Variants in ZMAT1 observed in about 807,000 individuals in gnomAD.
ZMAT1 encodes the protein zinc finger matrin-type protein 1.
Under a neutral mutation model 18.5 loss-of-function variants are expected in ZMAT1, and 11 were observed. The ratio of observed to expected loss-of-function variants is 0.59; its 90% CI spans 0.37 to 0.98. ZMAT1 has a LOEUF of 0.98. ZMAT1 is among the 50% of genes least tolerant of loss of function. ZMAT1 has a pLI of 0.01. For synonymous variants in ZMAT1, 211 were observed against 176.4 expected (o/e 1.20, Z -1.55); for missense variants, 525 against 496.2 (o/e 1.06, Z -0.55).
At chrX:101,924,148 G>A (rs1370359401) in intron 1 of ZMAT1, among the ~76,000 whole-genome samples, 1 of 111,259 alleles carries the variant, frequency 9.0e-6, no homozygotes, top group Non-Finnish European at 1.9e-5. Flanking sequence ...GTCTCACTCT[G>A]CTGCCCAGGC....
intron 4 of ZMAT1, among the ~76,000 whole-genome samples, chrX:101,891,802 G>C (rs893620812): frequency 9.0e-6 from 1 of 111,524 alleles, no homozygotes; most frequent in Non-Finnish European, 1.9e-5. Flanking sequence ...GTTACAGTGA[G>C]GTGGTAGACT....
intron 1 of ZMAT1, among the ~76,000 whole-genome samples, chrX:101,906,682 G>A (rs925937264): frequency 9.0e-6 from 1 of 111,498 alleles, no homozygotes; most frequent in Non-Finnish European, 1.9e-5. Flanking sequence ...GGCTGGCCCT[G>A]TGGCTCCAAG....
chrX:101,929,364 CCAT>C (rs1279992062), intron 1 of ZMAT1, among the ~76,000 whole-genome samples: 1 of 101,281 alleles, frequency 9.9e-6, no homozygotes, highest in Non-Finnish European at 2.0e-5. Flanking sequence ...CCTTTATCTG[CCAT>C]CATAATTGAC....
chrX:101,924,339 T>C (rs1034782853), intron 1 of ZMAT1, among the ~76,000 whole-genome samples: 11 of 111,699 alleles, frequency 9.8e-5, no homozygotes, highest in Admixed American at 4.8e-4. Flanking sequence ...CTCGAACTCT[T>C]GACCACAGGT....
At chrX:101,900,757 T>C (rs1373758148) in intron 2 of ZMAT1, among the ~76,000 whole-genome samples, 2 of 112,106 alleles carry the variant, frequency 1.8e-5, no homozygotes, top group African/African-American at 3.2e-5. Flanking sequence ...ATTTGTTCTT[T>C]TTGCTTAGTC....
In ZMAT1 at chrX:101,904,220, C is replaced by T. The variant is rs1569435456; in HGVS notation, c.399+4G>A. ...AGACCCTACTTCCATTATTTTTAAC[C>T]TACCTCATAATGTGAAATTCTTTGT... On this transcript the variant is annotated splice_donor_region_variant and intron_variant, in intron 2 of 5. Coordinates refer to ENST00000651725, the MANE Select transcript of ZMAT1 (RefSeq NM_001394560.1). 4.0e-5 allele frequency: 47 copies of T among 1,175,628 alleles called. No homozygotes were observed. The highest frequency in any genetic ancestry group is 5.1e-5 in the Non-Finnish European group (45 of 874,875).
chrX:101,903,574 A>G (rs922521377), intron 2 of ZMAT1, among the ~76,000 whole-genome samples: 2 of 111,765 alleles, frequency 1.8e-5, no homozygotes, highest in African/African-American at 6.5e-5. Flanking sequence ...AAGAAATCCA[A>G]CAGCTCATCA....
At chrX:101,924,252 C>T (rs937732010) in intron 1 of ZMAT1, among the ~76,000 whole-genome samples, 1 of 111,404 alleles carries the variant, frequency 9.0e-6, no homozygotes, top group Non-Finnish European at 1.9e-5. Context: ...GCCAGGATTA[C>T]AGGCATGTAC....
At chrX:101,896,160 G>C (rs772682933) in intron 4 of ZMAT1, among the ~76,000 whole-genome samples, 1 of 111,881 alleles carries the variant, frequency 8.9e-6, no homozygotes, top group East Asian at 2.8e-4. Flanking sequence ...ATCAATGAAA[G>C]TATGATAGCC....
At chrX:101,889,779 G>A (rs1260157285) in intron 4 of ZMAT1, 5 of 111,429 alleles carry the variant, frequency 4.5e-5, no homozygotes, top group Non-Finnish European at 9.4e-5. Flanking sequence ...ATGAACGCTG[G>A]GCTTAATACC....
intron 1 of ZMAT1, among the ~76,000 whole-genome samples, chrX:101,925,431 G>A (rs190129476): frequency 4.1e-4 from 46 of 111,988 alleles, no homozygotes; most frequent in Admixed American, 3.3e-3. Context: ...TTGTAATGGG[G>A]AGAAAAACTA....
chrX:101,890,696 G>GCA (rs1927318674), intron 4 of ZMAT1, among the ~76,000 whole-genome samples: 1 of 110,813 alleles, frequency 9.0e-6, no homozygotes, highest in Non-Finnish European at 1.9e-5. Flanking sequence ...AGGTATGCGA[G>GCA]CACAAAGAAG....
In ZMAT1 at chrX:101,926,082, T is replaced by C. The variant is rs745421603; in HGVS notation, c.292+5635A>G. On this transcript the variant is annotated intron_variant, in intron 1 of 5. Transcript: ENST00000651725. ...AGGGAGGTAAACTGTAAAACATGAT[T>C]CTAGACTCAGGTGGATTTGGTCTAT... 3.6e-5 allele frequency among the ~76,000 whole-genome samples: 4 copies of C among 112,249 alleles called. No individual in the cohort carries two copies. The South Asian group carries it at 1.5e-3, about 41-fold the overall frequency.
chrX:101,904,917 C>G (rs1366568888), intron 1 of ZMAT1, among the ~76,000 whole-genome samples: 4 of 111,762 alleles, frequency 3.6e-5, no homozygotes, highest in African/African-American at 1.3e-4. Flanking sequence ...CCAGCCTGAG[C>G]TACAGCAAGA....
At chrX:101,906,154 G>C in intron 1 of ZMAT1, among the ~76,000 whole-genome samples, 1 of 111,404 alleles carries the variant, frequency 9.0e-6, no homozygotes, top group Admixed American at 9.5e-5. Flanking sequence ...CCAGACTTCA[G>C]GACAGTACCA....
intron 1 of ZMAT1, among the ~76,000 whole-genome samples, chrX:101,906,862 G>T (rs1928655256): frequency 9.0e-6 from 1 of 110,567 alleles, no homozygotes. Context: ...GTTCCACACT[G>T]GTCTCAGCAC....
intron 1 of ZMAT1, among the ~76,000 whole-genome samples, chrX:101,927,555 G>T (rs749305930): frequency 8.9e-6 from 1 of 112,465 alleles, no homozygotes; most frequent in East Asian, 2.8e-4. Flanking sequence ...ATAATTGGGA[G>T]TACTAGTTAT....
At chrX:101,896,128 G>A (rs1445449244) in intron 4 of ZMAT1, among the ~76,000 whole-genome samples, 1 of 111,395 alleles carries the variant, frequency 9.0e-6, no homozygotes, top group Non-Finnish European at 1.9e-5. Context: ...ATTAGGCATT[G>A]CCTGATTATA....
At chrX:101,920,380 C>G (rs1929641821) in intron 1 of ZMAT1, among the ~76,000 whole-genome samples, 1 of 111,484 alleles carries the variant, frequency 9.0e-6, no homozygotes, top group African/African-American at 3.3e-5. Flanking sequence ...TAATGTTGTT[C>G]CTGATGCAGG....
Sources: allele counts gnomAD v4.1 joint callset (sites outside exome capture counted in the v4.1 genomes callset), GRCh38; gene constraint gnomAD v4.1.1; transcripts MANE v1.5; gene names NCBI Gene and HGNC (gene_info 2026-07-23, HGNC 2026-07-21).